The following LINGO2 variants were observed in gnomAD, a reference collection of about 807,000 sequenced individuals.
LINGO2 encodes leucine-rich repeat and immunoglobulin-like domain-containing nogo receptor-interacting protein 2.
A neutral mutation model predicts 30.6 loss-of-function variants in LINGO2; 14 were observed. That is an observed-to-expected ratio of 0.46 (90% CI 0.30 to 0.72). The LOEUF (loss-of-function observed/expected upper bound fraction) is 0.72, where lower values mean the gene tolerates loss of function less well. Among genes scored for constraint, LINGO2 ranks in the 30% least tolerant of loss-of-function variants. The pLI, the probability that LINGO2 is intolerant of heterozygous loss-of-function variation, is 0.07. For missense variants in LINGO2, 729 were observed against 751.7 expected (o/e 0.97, Z 0.35); for synonymous variants, 317 against 288.5 (o/e 1.10, Z -1.00).
Position 27,950,349 on chromosome 9 carries a change from C to T in LINGO2, c.323G>A (p.Arg108His), listed in dbSNP as rs1016504624. The T allele has an allele frequency of 1.9e-5, 31 of 1,614,032 alleles. 1 individual carries two copies. The highest frequency in any genetic ancestry group is 2.2e-5 in the East Asian group (1 of 44,884). The change falls in exon 6 of 6, where the codon CGT (arginine) becomes CAT (histidine). Residue 108 changes from arginine (R) to histidine (H), a missense_variant. Transcript: ENST00000379992. ...ACGATTGCCTTTTAGGCGGAGGGAA[C>T]GCAGGTTAAAGAGATTGTTGAATGC... is the stretch of plus-strand genomic sequence containing the variant.
chr9:28,501,661 C>G (rs1819891411), intron 1 of LINGO2, among the ~76,000 whole-genome samples: 1 of 152,056 alleles, frequency 6.6e-6, no homozygotes, highest in African/African-American at 2.4e-5. Flanking sequence ...TACCTATGTT[C>G]TGTTTTTAAG....
At chr9:28,264,848 A>G (rs1822690309) in intron 4 of LINGO2, among the ~76,000 whole-genome samples, 1 of 151,988 alleles carries the variant, frequency 6.6e-6, no homozygotes, top group Non-Finnish European at 1.5e-5. Flanking sequence ...TGTGGTTAAC[A>G]ACTACTGTCC....
intron 4 of LINGO2, among the ~76,000 whole-genome samples, chr9:28,047,173 G>T (rs888750533): frequency 2.0e-5 from 3 of 152,120 alleles, no homozygotes; most frequent in African/African-American, 7.2e-5. Flanking sequence ...CAAGGGTGGA[G>T]ATGTACTTCG....
At chr9:28,593,601 C>T (rs1405325574) in intron 1 of LINGO2, among the ~76,000 whole-genome samples, 1 of 152,060 alleles carries the variant, frequency 6.6e-6, no homozygotes, top group Non-Finnish European at 1.5e-5. Flanking sequence ...ATAAAATACT[C>T]CTAACATATT....
rs79012021 is a variant in LINGO2 at position 28,626,000 on chromosome 9, C to T, written c.-365+44200G>A. On this transcript the variant is annotated intron_variant, in intron 1 of 5. Coordinates refer to ENST00000379992, the Ensembl canonical transcript of LINGO2. ...TATGTTTGACTTTACTAAAACAAAA[C>T]AAAACAAAACAAAAAAAACTACAAA... is the stretch of plus-strand genomic sequence containing the variant. 8.8e-3 allele frequency among the ~76,000 whole-genome samples: 1,253 copies of T among 141,980 alleles called. 17 individuals carry two copies. Among genetic ancestry groups the T allele is most frequent in the African/African-American group, 0.034 (1,213 of 36,042 alleles). The allele number at this position is 141,980 out of a possible 152,430, so 93.1% of individuals were successfully genotyped here.
At chr9:28,538,224 A>C (rs1349633983) in intron 1 of LINGO2, among the ~76,000 whole-genome samples, 1 of 152,012 alleles carries the variant, frequency 6.6e-6, no homozygotes, top group Admixed American at 6.6e-5. Flanking sequence ...AGTATAAAAT[A>C]AAAATAAAAC....
chr9:28,832,716 A>G, the LINGO2 span, among the ~76,000 whole-genome samples: 1 of 152,188 alleles, frequency 6.6e-6, no homozygotes. Context: ...CAGTTTCCAT[A>G]TAAGAATACT....
chr9:28,628,753 A>C (rs1826799999), intron 1 of LINGO2, among the ~76,000 whole-genome samples: 1 of 152,106 alleles, frequency 6.6e-6, no homozygotes, highest in Non-Finnish European at 1.5e-5. Flanking sequence ...TGTACAATAA[A>C]GTTTGTCTCA....
At chr9:28,927,645 T>G in the LINGO2 span, among the ~76,000 whole-genome samples, 1 of 152,236 alleles carries the variant, frequency 6.6e-6, no homozygotes, top group Non-Finnish European at 1.5e-5. Flanking sequence ...ATAGTTTGTG[T>G]GTAATACACT....
the LINGO2 span, among the ~76,000 whole-genome samples, chr9:28,839,357 G>A: frequency 1.3e-5 from 2 of 152,236 alleles, no homozygotes; most frequent in South Asian, 4.1e-4. Flanking sequence ...GGAGACAGGA[G>A]ACCCGAAGTG....
At chr9:28,304,634 ATACAG>A (rs1226745819) in intron 3 of LINGO2, among the ~76,000 whole-genome samples, 1 of 152,088 alleles carries the variant, frequency 6.6e-6, no homozygotes, top group African/African-American at 2.4e-5. Context: ...AAATGGAATT[ATACAG>A]TACACACATT....
At chr9:28,043,289 C>G (rs1222989847) in intron 4 of LINGO2, among the ~76,000 whole-genome samples, 1 of 152,236 alleles carries the variant, frequency 6.6e-6, no homozygotes, top group African/African-American at 2.4e-5. Context: ...AGGCCTGTTT[C>G]AGACAGCCAT....
chr9:28,837,618 G>C, the LINGO2 span, among the ~76,000 whole-genome samples: 1 of 131,866 alleles, frequency 7.6e-6, no homozygotes, highest in African/African-American at 2.8e-5. Context: ...TTGCACTCCA[G>C]CCTGGGCAAC....
At chr9:29,077,467 A>G in the LINGO2 span, among the ~76,000 whole-genome samples, 2 of 152,064 alleles carry the variant, frequency 1.3e-5, no homozygotes, top group Non-Finnish European at 2.9e-5. Flanking sequence ...TAAGACAGCA[A>G]AGAAGTTATT....
chr9:28,773,220 C>A, the LINGO2 span, among the ~76,000 whole-genome samples: 1 of 151,864 alleles, frequency 6.6e-6, no homozygotes, highest in African/African-American at 2.4e-5. Flanking sequence ...AAAAAATTAG[C>A]CGGGTGTAGT....
chr9:28,934,077 A>G, the LINGO2 span, among the ~76,000 whole-genome samples: 1 of 152,324 alleles, frequency 6.6e-6, no homozygotes, highest in East Asian at 1.9e-4. Flanking sequence ...CTTCCTGGCC[A>G]ATGTAACGAC....
chr9:28,069,518 T>A (rs894039852), intron 4 of LINGO2, among the ~76,000 whole-genome samples: 3 of 152,158 alleles, frequency 2.0e-5, no homozygotes, highest in Non-Finnish European at 4.4e-5. Flanking sequence ...TTTCTGATAA[T>A]TTAAGCAGGA....
intron 4 of LINGO2, among the ~76,000 whole-genome samples, chr9:28,087,606 A>T (rs1825951098): frequency 6.6e-6 from 1 of 152,044 alleles, no homozygotes; most frequent in Admixed American, 6.6e-5. Flanking sequence ...ATCATGAAAT[A>T]GATCCCTATG....
At chr9:28,631,067 T>G (rs1313831848) in intron 1 of LINGO2, among the ~76,000 whole-genome samples, 1 of 152,024 alleles carries the variant, frequency 6.6e-6, no homozygotes, top group East Asian at 1.9e-4. Context: ...TATAATTATT[T>G]AAATATTAAA....
Sources: allele counts gnomAD v4.1 joint callset (sites outside exome capture counted in the v4.1 genomes callset), GRCh38; gene constraint gnomAD v4.1.1; transcripts MANE v1.5; gene names NCBI Gene and HGNC (gene_info 2026-07-23, HGNC 2026-07-21).